BCKDHB: variants seen among roughly 807,000 people sequenced by gnomAD.
The protein encoded by BCKDHB is 2-oxoisovalerate dehydrogenase subunit beta, mitochondrial.
Under a neutral mutation model 48.5 loss-of-function variants are expected in BCKDHB, and 41 were observed. The observed-to-expected ratio is 0.85, with a 90% CI of 0.66 to 1.10. The LOEUF is 1.10. Ranked by LOEUF, BCKDHB falls within the 50% of genes least tolerant of loss-of-function variation. The probability of loss-of-function intolerance (pLI) is 0.00; values close to 1 mark genes in which losing one functional copy is unlikely to be tolerated. For synonymous variants in BCKDHB, 201 were observed against 174.8 expected, an observed-to-expected ratio of 1.15 and a Z score of -1.18; for missense variants, 496 against 494.2, an observed-to-expected ratio of 1.00 and a Z score of -0.03.
At chr6:80,380,764 T>C in the BCKDHB span, among the ~76,000 whole-genome samples, 1 of 151,638 alleles carries the variant, frequency 6.6e-6, no homozygotes, top group Non-Finnish European at 1.5e-5. Flanking sequence ...CACTAAAAAC[T>C]GGGCAAAGGA....
In BCKDHB at chr6:80,270,284, A is replaced by G. The variant is rs142993457; in HGVS notation, c.952-2851A>G. ...CATTTTCAGAATTTTGACATAATAC[A>G]TTTTAATACTTTTAGACATTGGCAA... On this transcript the variant is annotated intron_variant, in intron 8 of 9. Coordinates refer to ENST00000320393, the MANE Select transcript of BCKDHB (RefSeq NM_183050.4). Among the ~76,000 whole-genome samples, 43 of 152,240 alleles carry G rather than the reference A, an allele frequency of 2.8e-4. No individual in the cohort carries two copies. In the East Asian group the frequency reaches 8.1e-3, roughly 29 times the overall value.
chr6:80,339,150 A>G (rs1769762342), intron 9 of BCKDHB, among the ~76,000 whole-genome samples: 1 of 152,188 alleles, frequency 6.6e-6, no homozygotes, highest in South Asian at 2.1e-4. Flanking sequence ...AGGGTTAGAT[A>G]TTGAGAGATC....
chr6:80,423,250 G>A, the BCKDHB span, among the ~76,000 whole-genome samples: 1 of 152,124 alleles, frequency 6.6e-6, no homozygotes, highest in African/African-American at 2.4e-5. Flanking sequence ...CTTACACCAT[G>A]ATTGTAAGTT....
the BCKDHB span, among the ~76,000 whole-genome samples, chr6:80,400,230 T>G: frequency 6.6e-6 from 1 of 151,996 alleles, no homozygotes; most frequent in Non-Finnish European, 1.5e-5. Context: ...AATTCACAAA[T>G]GGGATCTTAT....
chr6:80,312,876 T>C (rs1768237936), intron 9 of BCKDHB, among the ~76,000 whole-genome samples: 1 of 152,178 alleles, frequency 6.6e-6, no homozygotes. Context: ...ATTAAGGATA[T>C]TGGCCTAAAG....
the BCKDHB span, among the ~76,000 whole-genome samples, chr6:80,407,811 T>G: frequency 1.3e-5 from 2 of 152,208 alleles, no homozygotes; most frequent in Non-Finnish European, 2.9e-5. Flanking sequence ...CAGGGACAAT[T>G]TGACTTCCTC....
Position 80,284,906 on chromosome 6 carries a change from C to T in BCKDHB, c.1038+11685C>T, listed in dbSNP as rs181599934. On this transcript the variant is annotated intron_variant, in intron 9 of 9. Transcript: ENST00000320393. ...CAGTAGCATAAAATAGTCACCATGCCTGTATTATTAGCTGCTTTCAGAACC... is the reference window on the plus strand; with the variant it reads ...CAGTAGCATAAAATAGTCACCATGCTTGTATTATTAGCTGCTTTCAGAACC... 3.1e-4 allele frequency among the ~76,000 whole-genome samples: 47 copies of T among 152,140 alleles called. 1 individual carries two copies. The highest frequency in any genetic ancestry group is 1.0e-3 in the African/African-American group (42 of 41,514).
intron 8 of BCKDHB, among the ~76,000 whole-genome samples, chr6:80,204,602 G>A (rs1181157376): frequency 2.0e-5 from 3 of 151,954 alleles, no homozygotes; most frequent in African/African-American, 4.8e-5. Context: ...TTATGATGGC[G>A]CAGTGCGGAG....
intron 4 of BCKDHB, among the ~76,000 whole-genome samples, chr6:80,168,555 G>GAGGA (rs1430810087): frequency 8.1e-6 from 1 of 124,218 alleles, no homozygotes; most frequent in East Asian, 2.7e-4. Context: ...GGGAGGGAGG[G>GAGGA]AGGAAGGAAG....
intron 8 of BCKDHB, among the ~76,000 whole-genome samples, chr6:80,262,687 G>T (rs1777354926): frequency 6.6e-6 from 1 of 152,036 alleles, no homozygotes; most frequent in South Asian, 2.1e-4. Context: ...TGGAGCAATA[G>T]AACATTTTCT....
chr6:80,370,180 C>T, the BCKDHB span, among the ~76,000 whole-genome samples: 1 of 151,808 alleles, frequency 6.6e-6, no homozygotes, highest in Non-Finnish European at 1.5e-5. Context: ...AATTAGAGGA[C>T]AATATAACAT....
the BCKDHB span, among the ~76,000 whole-genome samples, chr6:80,358,796 T>C: frequency 2.0e-5 from 3 of 152,316 alleles, no homozygotes; most frequent in East Asian, 5.8e-4. Context: ...ATAGAGGTGG[T>C]GGCTGCAAAA....
the BCKDHB span, among the ~76,000 whole-genome samples, chr6:80,401,636 A>G: frequency 2.6e-5 from 4 of 151,788 alleles, no homozygotes; most frequent in Non-Finnish European, 4.4e-5. Flanking sequence ...AGTATACAAC[A>G]TGGTATTCTT....
chr6:80,343,469 A>C, intron 9 of BCKDHB, 195 bp from the exon 10 acceptor site: 1 of 637,020 alleles, frequency 1.6e-6, no homozygotes, highest in Non-Finnish European at 2.7e-6. Flanking sequence ...ATATGCATAC[A>C]TGAAAACACA....
rs186366617 is a variant in BCKDHB, at chr6:80,328,205, G to A, written c.1039-15459G>A. Among the ~76,000 whole-genome samples, 305 of 152,286 alleles carry A rather than the reference G, an allele frequency of 2.0e-3. 1 individual carries two copies. The highest frequency in any genetic ancestry group is 7.1e-3 in the African/African-American group (295 of 41,562). On this transcript the variant is annotated intron_variant, in intron 9 of 9. Transcript: ENST00000320393. ...GTAAACTTTGATTTGTTGAATGCCT[G>A]CTTTGTGCCAGACATTGCATGCTAC...
intron 6 of BCKDHB, among the ~76,000 whole-genome samples, chr6:80,185,441 C>T (rs957606423): frequency 2.6e-5 from 4 of 151,802 alleles, no homozygotes; most frequent in Middle Eastern, 3.4e-3. Context: ...TTTTTTTCTT[C>T]GTTTGAATCT....
the BCKDHB span, among the ~76,000 whole-genome samples, chr6:80,408,088 C>A: frequency 6.6e-6 from 1 of 151,996 alleles, no homozygotes; most frequent in East Asian, 1.9e-4. Context: ...TGTTGAAGGC[C>A]TTTTCTGCAT....
intron 6 of BCKDHB, among the ~76,000 whole-genome samples, chr6:80,176,337 G>T (rs1773154413): frequency 6.6e-6 from 1 of 152,178 alleles, no homozygotes; most frequent in African/African-American, 2.4e-5. Flanking sequence ...TTAGAACGCT[G>T]CAGAGTTCAA....
intron 9 of BCKDHB, chr6:80,307,924 G>A (rs1767959823): frequency 1.0e-6 from 1 of 969,856 alleles, no homozygotes; most frequent in Middle Eastern, 5.3e-4. Flanking sequence ...AATATCATGG[G>A]CTACTTTACA....
Sources: gnomAD v4.1 joint callset for allele counts (sites outside exome capture counted in the v4.1 genomes callset) on GRCh38, gnomAD v4.1.1 for gene constraint, MANE v1.5 for transcripts, NCBI Gene and HGNC (gene_info 2026-07-23, HGNC 2026-07-21) for gene names.